CTTN: variants seen among roughly 807,000 people sequenced by gnomAD.
The protein encoded by CTTN is src substrate cortactin.
In CTTN, 28 loss-of-function variants were observed where a neutral mutation model predicts 84.0. The observed-to-expected ratio is 0.33, with a 90% CI of 0.25 to 0.46. The LOEUF (loss-of-function observed/expected upper bound fraction) is 0.46. Ranked by LOEUF, CTTN falls within the 20% of genes least tolerant of loss-of-function variation. The pLI is 1.00. For missense variants in CTTN, 641 were observed against 723.8 expected, an observed-to-expected ratio of 0.89 and a Z score of 1.31; for synonymous variants, 301 against 288.8, an observed-to-expected ratio of 1.04 and a Z score of -0.43.
chr11:70,429,222 C>T (rs2058329648), intron 14 of CTTN, 23 bp downstream of exon 14: 3 of 1,602,362 alleles, frequency 1.9e-6, no homozygotes, highest in Admixed American at 3.5e-5. Flanking sequence ...GAGTGGGCCG[C>T]AGCGCACCCT....
intron 5 of CTTN, among the ~76,000 whole-genome samples, chr11:70,411,118 A>T (rs902433065): frequency 6.6e-6 from 1 of 152,236 alleles, no homozygotes; most frequent in Non-Finnish European, 1.5e-5. Flanking sequence ...GTCTAAAAAA[A>T]GTCTGGTAGC....
intron 14 of CTTN, among the ~76,000 whole-genome samples, chr11:70,429,804 T>A (rs1401418082): frequency 6.6e-6 from 1 of 152,126 alleles, no homozygotes; most frequent in Non-Finnish European, 1.5e-5. Context: ...TGACAAGGAC[T>A]TTCCTTGTGC....
At chr11:70,426,698 C>A (rs191995647) in intron 13 of CTTN, among the ~76,000 whole-genome samples, 72 of 151,788 alleles carry the variant, frequency 4.7e-4, no homozygotes, top group African/African-American at 1.7e-3. Flanking sequence ...CGGCATTCTC[C>A]TGCCTCAAGC....
At chr11:70,418,150 G>A (rs1225048623) in intron 8 of CTTN, among the ~76,000 whole-genome samples, 1 of 152,108 alleles carries the variant, frequency 6.6e-6, no homozygotes, top group Non-Finnish European at 1.5e-5. Context: ...CCCAAAGCAA[G>A]AAACACCACT....
chr11:70,412,321 G>T (rs1208981122), intron 5 of CTTN, among the ~76,000 whole-genome samples: 2 of 152,128 alleles, frequency 1.3e-5, no homozygotes, highest in Non-Finnish European at 2.9e-5. Flanking sequence ...TGCTTGGGAG[G>T]CTAAGCTGGG....
chr11:70,423,989 C>T (rs750139408), intron 12 of CTTN, among the ~76,000 whole-genome samples: 2 of 151,904 alleles, frequency 1.3e-5, no homozygotes, highest in South Asian at 2.1e-4. Flanking sequence ...TGGTGTTTGG[C>T]GCCAAGGGAC....
chr11:70,417,107 G>A lies in CTTN; in HGVS notation c.552G>A (p.Lys184=), dbSNP rs2058172433. 1.9e-6 allele frequency: 3 copies of A among 1,614,146 alleles called. No homozygotes were observed. Among genetic ancestry groups the A allele is most frequent in the Non-Finnish European group, 2.5e-6 (3 of 1,179,986 alleles). ...TCGACTACCAGGGCAAGACGGAGAAGCACGAGTCACAGAGAGGTGGGGCGG... is the reference window on the plus strand; with the variant it reads ...TCGACTACCAGGGCAAGACGGAGAAACACGAGTCACAGAGAGGTGGGGCGG... ...VGFDYQGKTE[K]HESQRDYSKG... The change falls in exon 8 of 18, where the codon AAG becomes AAA. Residue 184 remains lysine, a synonymous_variant. Transcript: ENST00000301843.
chr11:70,435,806 A>C lies in CTTN; in HGVS notation c.*644A>C, dbSNP rs1591455959. ...CCCACTCCGGCTTGTCCTCATCTCTACCCATCCCCTGATGCCCAGGTCACC... is the reference window on the plus strand; with the variant it reads ...CCCACTCCGGCTTGTCCTCATCTCTCCCCATCCCCTGATGCCCAGGTCACC... On this transcript the variant is annotated 3_prime_UTR_variant, in exon 18 of 18. Coordinates refer to ENST00000301843, the MANE Select transcript of CTTN (RefSeq NM_005231.4). 6.4e-7 allele frequency: 1 copy of C among 1,565,816 alleles called. No homozygotes were observed.
intron 1 of CTTN, among the ~76,000 whole-genome samples, chr11:70,403,277 C>G (rs2058007842): frequency 7.8e-6 from 1 of 127,914 alleles, no homozygotes; most frequent in Non-Finnish European, 1.6e-5. Context: ...CAGCCTCTGT[C>G]TCCCGGGTTC....
chr11:70,403,282 G>A (rs531892112), intron 1 of CTTN, among the ~76,000 whole-genome samples: 1 of 121,956 alleles, frequency 8.2e-6, no homozygotes, highest in Non-Finnish European at 1.6e-5. Flanking sequence ...TCTGTCTCCC[G>A]GGTTCAAGCA....
chr11:70,430,868 C>T (rs1340565264), intron 14 of CTTN, among the ~76,000 whole-genome samples: 1 of 151,164 alleles, frequency 6.6e-6, no homozygotes, highest in African/African-American at 2.4e-5. Context: ...TGATCTCGGC[C>T]TCAGAGCACA....
chr11:70,431,817 C>T (rs1162979373), intron 15 of CTTN, among the ~76,000 whole-genome samples: 1 of 152,114 alleles, frequency 6.6e-6, no homozygotes, highest in Non-Finnish European at 1.5e-5. Context: ...TGTTCCGTCC[C>T]CATCCCTGAG....
chr11:70,408,968 A>G (rs1464331710), intron 4 of CTTN, among the ~76,000 whole-genome samples: 1 of 152,072 alleles, frequency 6.6e-6, no homozygotes, highest in Non-Finnish European at 1.5e-5. Context: ...TGGAGAAAAA[A>G]CAACTCTCCA....
At chr11:70,431,487 G>A (rs963497388) in intron 15 of CTTN, among the ~76,000 whole-genome samples, 1 of 152,068 alleles carries the variant, frequency 6.6e-6, no homozygotes, top group Non-Finnish European at 1.5e-5. Context: ...AGCTGTGCAG[G>A]CCCACATGCC....
intron 14 of CTTN, 125 bp downstream of exon 14, chr11:70,429,324 ACTCTCCTTTAAGG>A (rs1328592299): frequency 9.2e-7 from 1 of 1,086,904 alleles, no homozygotes; most frequent in Non-Finnish European, 1.3e-6. Context: ...GGCATGTTTA[ACTCTCCTTTAAGG>A]CTCTCCATTA....
chr11:70,428,859 T>A (rs2058325330), intron 13 of CTTN, among the ~76,000 whole-genome samples, 192 bp from the exon 14 acceptor site: 1 of 152,246 alleles, frequency 6.6e-6, no homozygotes, highest in African/African-American at 2.4e-5. Flanking sequence ...AGGTACGCAG[T>A]GCCCTGCGGC....
At position 70,435,417 on chromosome 11, in the gene CTTN, A is replaced by C. The variant is rs2058406223; in HGVS notation, c.*255A>C. The C allele has an allele frequency of 6.6e-7, 1 of 1,505,982 alleles. No individual in the cohort carries two copies. The highest frequency in any genetic ancestry group is 8.8e-7 in the Non-Finnish European group (1 of 1,138,664). 93.3% of individuals were successfully genotyped at this position (1,505,982 alleles called of 1,614,324 possible). On this transcript the variant is annotated 3_prime_UTR_variant, in exon 18 of 18. Coordinates refer to ENST00000301843, the MANE Select transcript of CTTN (RefSeq NM_005231.4). ...AGGACTTTGGTAATTGGTTTTATGC[A>C]TTGATGGTTTTTTTTTTCTTTTTTG...
intron 2 of CTTN, among the ~76,000 whole-genome samples, chr11:70,406,173 G>A (rs150676179): frequency 1.3e-5 from 2 of 152,206 alleles, no homozygotes; most frequent in East Asian, 1.9e-4. Flanking sequence ...CTTGGCAGAC[G>A]GTTCTTCCCC....
intron 5 of CTTN, among the ~76,000 whole-genome samples, chr11:70,413,549 C>A (rs891768752): frequency 3.9e-5 from 6 of 152,180 alleles, no homozygotes; most frequent in Non-Finnish European, 8.8e-5. Flanking sequence ...GTGGCTGTGT[C>A]CCAGAGGCGT....
Sources: gnomAD v4.1 joint callset for allele counts (sites outside exome capture counted in the v4.1 genomes callset) on GRCh38, gnomAD v4.1.1 for gene constraint, MANE v1.5 for transcripts, NCBI Gene and HGNC (gene_info 2026-07-23, HGNC 2026-07-21) for gene names.